THSD4: variants seen among roughly 807,000 people sequenced by gnomAD.
The protein encoded by THSD4 is thrombospondin type-1 domain-containing protein 4.
In THSD4, 69 loss-of-function variants were observed where a neutral mutation model predicts 119.0. The ratio of observed to expected loss-of-function variants is 0.58; its 90% CI spans 0.48 to 0.71. The LOEUF (loss-of-function observed/expected upper bound fraction) is 0.71. THSD4 is among the 30% of genes least tolerant of loss of function. THSD4 has a pLI of 0.00. For missense variants in THSD4, 1,393 were observed against 1,391.1 expected (o/e 1.00, Z -0.02); for synonymous variants, 524 against 540.4 (o/e 0.97, Z 0.42).
rs1469143700 is a variant in THSD4 at position 71,215,268 on chromosome 15, G to T, written c.333G>T (p.Ser111=). Residue 111 remains serine (S), a synonymous_variant, in exon 4 of 18, where the codon TCG becomes TCT. Coordinates refer to ENST00000261862, the MANE Select transcript of THSD4 (RefSeq NM_024817.3). Reference sequence around the variant, plus strand: ...ACGTGGTGTCGGCGGTGCGCACGTCGGTGCCACTGCACCGGAGCCGCGACG... The same window carrying T: ...ACGTGGTGTCGGCGGTGCGCACGTCTGTGCCACTGCACCGGAGCCGCGACG... ...ADHVVSAVRT[S]VPLHRSRDET... 3.3e-6 allele frequency: 5 copies of T among 1,508,408 alleles called. No homozygotes were observed. Among genetic ancestry groups the T allele is most frequent in the Non-Finnish European group, 3.5e-6 (4 of 1,134,570 alleles). 93.4% of individuals were successfully genotyped at this position (1,508,408 alleles called of 1,614,324 possible).
chr15:71,677,867 A>G (rs2051685306), intron 8 of THSD4, among the ~76,000 whole-genome samples: 1 of 152,200 alleles, frequency 6.6e-6, no homozygotes, highest in Admixed American at 6.5e-5. Context: ...GTTTTCCTAC[A>G]CTTAATGTGA....
chr15:71,403,196 T>A (rs1267698439), intron 6 of THSD4, among the ~76,000 whole-genome samples: 1 of 152,148 alleles, frequency 6.6e-6, no homozygotes, highest in Admixed American at 6.5e-5. Flanking sequence ...TCCCACACGT[T>A]CTACTTTCTT....
At chr15:71,112,143 C>T (rs2040309867), upstream of THSD4, 2 of 1,613,558 alleles carry the variant, frequency 1.2e-6, no homozygotes, top group South Asian at 1.1e-5. Context: ...TTTGGGAGCC[C>T]TCACCACGTG....
chr15:71,518,978 A>C (rs1285988440), intron 7 of THSD4, among the ~76,000 whole-genome samples: 1 of 151,780 alleles, frequency 6.6e-6, no homozygotes, highest in Non-Finnish European at 1.5e-5. Flanking sequence ...ATTTTTAAAC[A>C]ATTAATAATC....
intron 7 of THSD4, among the ~76,000 whole-genome samples, chr15:71,514,218 G>A (rs1347270377): frequency 6.6e-6 from 1 of 152,154 alleles, no homozygotes; most frequent in Non-Finnish European, 1.5e-5. Flanking sequence ...TAAGGTATCA[G>A]GAGAAAGGAA....
At chr15:71,209,629 C>G (rs1232928228) in intron 3 of THSD4, among the ~76,000 whole-genome samples, 2 of 152,130 alleles carry the variant, frequency 1.3e-5, no homozygotes, top group Non-Finnish European at 2.9e-5. Context: ...AATGGAAGAT[C>G]TCTTTTGTTT....
chr15:71,609,147 A>T (rs1216193498), intron 7 of THSD4, among the ~76,000 whole-genome samples: 2 of 152,242 alleles, frequency 1.3e-5, no homozygotes, highest in East Asian at 1.9e-4. Flanking sequence ...TCTTCAGAGC[A>T]TGTATGAACT....
intron 6 of THSD4, among the ~76,000 whole-genome samples, chr15:71,326,688 AAAAAAAAAAAAAAT>A (rs1310859018): frequency 0.021 from 419 of 20,086 alleles, 8 homozygotes; most frequent in African/African-American, 0.032. Flanking sequence ...AAAAAAAAAA[AAAAAAAAAAAAAAT>A]ATATATATAT....
chr15:71,476,119 A>G (rs1427068389), intron 7 of THSD4, among the ~76,000 whole-genome samples: 1 of 152,208 alleles, frequency 6.6e-6, no homozygotes, highest in Non-Finnish European at 1.5e-5. Flanking sequence ...TAACATAGGT[A>G]TGTAAAGTAT....
intron 6 of THSD4, among the ~76,000 whole-genome samples, chr15:71,329,620 C>T (rs1436703697): frequency 6.6e-6 from 1 of 152,224 alleles, no homozygotes; most frequent in Non-Finnish European, 1.5e-5. Flanking sequence ...GTATGCTGGA[C>T]ATTCCCGAGA....
At chr15:71,543,066 G>C (rs1035119370) in intron 7 of THSD4, among the ~76,000 whole-genome samples, 2 of 152,064 alleles carry the variant, frequency 1.3e-5, no homozygotes, top group African/African-American at 4.8e-5. Flanking sequence ...TCCTGGAATA[G>C]AAAAAGTACA....
intron 6 of THSD4, among the ~76,000 whole-genome samples, chr15:71,360,570 T>G (rs1373082993): frequency 6.6e-6 from 1 of 152,186 alleles, no homozygotes; most frequent in African/African-American, 2.4e-5. Context: ...TCCAGTTCTT[T>G]TGCGCATCAT....
chr15:71,351,433 C>T (rs1485675605), intron 6 of THSD4, among the ~76,000 whole-genome samples: 1 of 152,092 alleles, frequency 6.6e-6, no homozygotes, highest in Non-Finnish European at 1.5e-5. Flanking sequence ...GACCCTTAAC[C>T]AACATTGCTT....
chr15:71,317,055 C>T (rs1415267322), intron 6 of THSD4, among the ~76,000 whole-genome samples: 1 of 152,142 alleles, frequency 6.6e-6, no homozygotes, highest in Non-Finnish European at 1.5e-5. Context: ...TAAGTGTTTG[C>T]TTTGTATAAT....
intron 14 of THSD4, among the ~76,000 whole-genome samples, chr15:71,756,077 C>A (rs12909288): frequency 2.0e-5 from 3 of 152,054 alleles, no homozygotes; most frequent in Admixed American, 2.0e-4. Flanking sequence ...TATAGAAAAC[C>A]CTTAATGCTA....
intron 2 of THSD4, 105 bp from the exon 3 acceptor site, chr15:71,154,758 G>C: frequency 8.5e-7 from 1 of 1,180,916 alleles, no homozygotes; most frequent in Non-Finnish European, 1.3e-6. Flanking sequence ...CCTGGGTTGG[G>C]CTGTTCCCCC....
intron 6 of THSD4, among the ~76,000 whole-genome samples, chr15:71,266,067 G>A (rs1227720238): frequency 6.6e-6 from 1 of 152,244 alleles, no homozygotes; most frequent in Non-Finnish European, 1.5e-5. Flanking sequence ...TGCTGGCTCT[G>A]AAGAGAGCAG....
chr15:71,383,230 C>T (rs540498920), intron 6 of THSD4, among the ~76,000 whole-genome samples: 14 of 152,306 alleles, frequency 9.2e-5, no homozygotes, highest in African/African-American at 2.9e-4. Flanking sequence ...CTCGTCTGTC[C>T]AGCCTTTGGT....
At position 71,354,834 on chromosome 15, in the gene THSD4, G is replaced by A. The variant is rs189725558; in HGVS notation, c.1016-56853G>A. 1.6e-3 allele frequency among the ~76,000 whole-genome samples: 238 copies of A among 152,234 alleles called. 2 individuals are homozygous for A. The highest frequency in any genetic ancestry group is 6.8e-3 in the Middle Eastern group (2 of 294). Reference sequence around the variant, plus strand: ...GACAAGATGTGGGCTGAGAGTGGTGGCCAATAAATACCTTCCATATACAAA... The same window carrying A: ...GACAAGATGTGGGCTGAGAGTGGTGACCAATAAATACCTTCCATATACAAA... On this transcript the variant is annotated intron_variant, in intron 6 of 17. Coordinates refer to ENST00000261862, the MANE Select transcript of THSD4 (RefSeq NM_024817.3).
Sources: gnomAD v4.1 joint callset for allele counts (sites outside exome capture counted in the v4.1 genomes callset) on GRCh38, gnomAD v4.1.1 for gene constraint, MANE v1.5 for transcripts, NCBI Gene and HGNC (gene_info 2026-07-23, HGNC 2026-07-21) for gene names.